Variants in ADARB2 observed in about 807,000 individuals in gnomAD.
ADARB2 encodes inactive double-stranded RNA-specific editase B2.
Under a neutral mutation model 62.2 loss-of-function variants are expected in ADARB2, and 25 were observed. The observed-to-expected ratio is 0.40, with a 90% CI of 0.29 to 0.56. The LOEUF (loss-of-function observed/expected upper bound fraction) is 0.56, where lower values mean the gene tolerates loss of function less well. ADARB2 is among the 20% of genes least tolerant of loss of function. The pLI is 0.43. For synonymous variants in ADARB2, 572 were observed against 500.8 expected, an observed-to-expected ratio of 1.14 and a Z score of -1.90; for missense variants, 1,071 against 1,077.4, an observed-to-expected ratio of 0.99 and a Z score of 0.08.
chr10:1,450,370 G>A (rs531543783), intron 1 of ADARB2, among the ~76,000 whole-genome samples: 20 of 152,326 alleles, frequency 1.3e-4, no homozygotes, highest in South Asian at 6.2e-4. Flanking sequence ...TTCTTTAGCC[G>A]CTGTGGCTGC....
chr10:1,411,815 A>G (rs967247743), intron 1 of ADARB2, among the ~76,000 whole-genome samples: 3 of 152,252 alleles, frequency 2.0e-5, no homozygotes, highest in Admixed American at 6.5e-5. Context: ...TCAGCGCTTG[A>G]TAAATACACA....
In ADARB2 at chr10:1,631,959, G is replaced by A. The variant is rs1210742630; in HGVS notation, c.100+105092C>T. ...TGTGGATAAGCGTGATCTTAGAGAG[G>A]AGCTTGCCATGCACTGCCTTAGGAG... On this transcript the variant is annotated intron_variant, in intron 1 of 9. Transcript: ENST00000381312. Among the ~76,000 whole-genome samples, 5 of 151,822 alleles carry A rather than the reference G, an allele frequency of 3.3e-5. No individual in the cohort carries two copies. In the South Asian group the frequency reaches 1.0e-3, roughly 32 times the overall value.
In ADARB2 at chr10:1,655,503, C is replaced by T. The variant is rs568752709; in HGVS notation, c.100+81548G>A. On this transcript the variant is annotated intron_variant, in intron 1 of 9. Transcript: ENST00000381312. Reference sequence around the variant, plus strand: ...TTATACCTAATTTGCTATTGATTAACTATTTATTCTAACAGAACCACTGTA... The same window carrying T: ...TTATACCTAATTTGCTATTGATTAATTATTTATTCTAACAGAACCACTGTA... Among the ~76,000 whole-genome samples the T allele has an allele frequency of 2.2e-3, 339 of 152,296 alleles. 1 individual carries two copies. The highest frequency in any genetic ancestry group is 7.7e-3 in the African/African-American group (320 of 41,558).
At chr10:1,537,316 A>G (rs1190522767) in intron 1 of ADARB2, among the ~76,000 whole-genome samples, 1 of 152,156 alleles carries the variant, frequency 6.6e-6, no homozygotes, top group Non-Finnish European at 1.5e-5. Context: ...GAAACAATAA[A>G]TGCCAGTGAG....
chr10:1,561,412 C>T (rs542238246), intron 1 of ADARB2, among the ~76,000 whole-genome samples: 1 of 152,232 alleles, frequency 6.6e-6, no homozygotes, highest in South Asian at 2.1e-4. Context: ...TGACTTCATA[C>T]AGCATTCAAC....
intron 1 of ADARB2, among the ~76,000 whole-genome samples, chr10:1,400,668 C>T (rs542210699): frequency 2.2e-4 from 34 of 152,348 alleles, no homozygotes; most frequent in African/African-American, 6.5e-4. Flanking sequence ...GTGGGGACAA[C>T]GCAGTGCTCC....
At chr10:1,216,024 G>C (rs1837228465) in intron 7 of ADARB2, 2 of 152,002 alleles carry the variant, frequency 1.3e-5, no homozygotes, top group Non-Finnish European at 1.5e-5. Flanking sequence ...AGCAACGTGG[G>C]GGAGGTCTCA....
chr10:1,587,292 C>T (rs183829204), intron 1 of ADARB2, among the ~76,000 whole-genome samples: 30 of 152,250 alleles, frequency 2.0e-4, no homozygotes, highest in Admixed American at 3.3e-4. Flanking sequence ...TCTGGGCGTC[C>T]GGGGGCCCTT....
chr10:1,198,782 T>C lies in ADARB2; in HGVS notation c.1864+1184A>G, dbSNP rs12250454. The stretch of plus-strand genomic sequence containing the variant: ...GATTGGACATTCCTGTTTTTATTTA[T>C]GTTGACATGTTCCCAGATGGACACA... On this transcript the variant is annotated intron_variant, in intron 8 of 9. Coordinates refer to ENST00000381312, the MANE Select transcript of ADARB2 (RefSeq NM_018702.4). Among the ~76,000 whole-genome samples the C allele has an allele frequency of 8.6e-3, 1,316 of 152,332 alleles. 26 individuals carry two copies. Among genetic ancestry groups the C allele is most frequent in the African/African-American group, 0.029 (1,217 of 41,572 alleles).
At chr10:1,435,607 C>T (rs1830827204) in intron 1 of ADARB2, among the ~76,000 whole-genome samples, 1 of 148,952 alleles carries the variant, frequency 6.7e-6, no homozygotes, top group East Asian at 1.9e-4. Context: ...GCCGCCCTGC[C>T]AGGCCCCTCT....
At chr10:1,664,021 A>T (rs971759281) in intron 1 of ADARB2, among the ~76,000 whole-genome samples, 1 of 152,334 alleles carries the variant, frequency 6.6e-6, no homozygotes, top group East Asian at 1.9e-4. Context: ...AGTTTTGGCA[A>T]TGATGAATAG....
intron 6 of ADARB2, among the ~76,000 whole-genome samples, chr10:1,233,068 G>C (rs1331268542): frequency 1.3e-5 from 2 of 152,198 alleles, no homozygotes; most frequent in Admixed American, 1.3e-4. Context: ...CTGATGTCAA[G>C]GGTGGCTTCA....
intron 1 of ADARB2, among the ~76,000 whole-genome samples, chr10:1,413,942 C>T (rs1040610498): frequency 7.9e-5 from 12 of 152,216 alleles, no homozygotes; most frequent in African/African-American, 2.4e-4. Flanking sequence ...GCAGGTCTCA[C>T]GGTGATGTCC....
chr10:1,452,626 G>A (rs1236211595), intron 1 of ADARB2, among the ~76,000 whole-genome samples: 2 of 58,084 alleles, frequency 3.4e-5, no homozygotes, highest in East Asian at 1.2e-3. Flanking sequence ...TTGGGGGGGG[G>A]AATATCACAC....
chr10:1,374,780 C>G (rs1325783276), intron 2 of ADARB2, among the ~76,000 whole-genome samples: 1 of 152,246 alleles, frequency 6.6e-6, no homozygotes, highest in Non-Finnish European at 1.5e-5. Context: ...GCGGGTCAGA[C>G]GGGCTCCCGG....
intron 1 of ADARB2, among the ~76,000 whole-genome samples, chr10:1,446,574 C>A (rs1050601674): frequency 3.3e-5 from 5 of 152,208 alleles, no homozygotes; most frequent in African/African-American, 1.2e-4. Flanking sequence ...GGTGCTGAAG[C>A]AGGAGACACG....
chr10:1,681,590 T>C (rs560139725), intron 1 of ADARB2, among the ~76,000 whole-genome samples: 1 of 152,136 alleles, frequency 6.6e-6, no homozygotes, highest in South Asian at 2.1e-4. Context: ...CTCAGGGTCA[T>C]GGTTTTCCCA....
intron 1 of ADARB2, among the ~76,000 whole-genome samples, chr10:1,482,819 T>C (rs1831490373): frequency 2.0e-5 from 3 of 152,088 alleles, no homozygotes; most frequent in Admixed American, 2.0e-4. Flanking sequence ...TTCTTCCATC[T>C]GTGTTCTAGG....
At chr10:1,558,851 T>C (rs1832749930) in intron 1 of ADARB2, among the ~76,000 whole-genome samples, 1 of 127,512 alleles carries the variant, frequency 7.8e-6, no homozygotes, top group African/African-American at 2.9e-5. Flanking sequence ...GCCTTATTTT[T>C]CTTCAGAGCC....
Sources: gnomAD v4.1 joint callset for allele counts (sites outside exome capture counted in the v4.1 genomes callset) on GRCh38, gnomAD v4.1.1 for gene constraint, MANE v1.5 for transcripts, NCBI Gene and HGNC (gene_info 2026-07-23, HGNC 2026-07-21) for gene names.